The following ATRX variants were observed in gnomAD, a reference collection of about 807,000 sequenced individuals.
ATRX encodes the protein ATRX chromatin remodeler, also known as chromatin remodeler ATRX.
ATRX carries 12 observed loss-of-function variants against 172.6 expected under a neutral mutation model. The observed-to-expected ratio is 0.07, with a 90% confidence interval of 0.04 to 0.11. The LOEUF is 0.11. Among genes scored for constraint, ATRX ranks in the 10% least tolerant of loss-of-function variants. The pLI, the probability that ATRX is intolerant of heterozygous loss-of-function variation, is 1.00. For missense variants in ATRX, 1,368 were observed against 1,767.4 expected (o/e 0.77, Z 4.05); for synonymous variants, 674 against 594.7 (o/e 1.13, Z -1.94).
chrX:77,646,708 G>T (rs565710448), intron 15 of ATRX, among the ~76,000 whole-genome samples: 2 of 110,562 alleles, frequency 1.8e-5, no homozygotes, highest in Non-Finnish European at 3.8e-5. Flanking sequence ...ATCACTTGAG[G>T]CCAGGAGTTG....
chrX:77,536,941 A>G (rs1557048567), intron 30 of ATRX, among the ~76,000 whole-genome samples: 1 of 112,035 alleles, frequency 8.9e-6, no homozygotes, highest in East Asian at 2.8e-4. Context: ...GCTCTGGAAT[A>G]CTGCTCTCTA....
At chrX:77,667,784 G>A (rs2070339423) in intron 10 of ATRX, among the ~76,000 whole-genome samples, 1 of 111,817 alleles carries the variant, frequency 8.9e-6, no homozygotes, top group Non-Finnish European at 1.9e-5. Flanking sequence ...TCCACATACT[G>A]TAGAAGTACA....
intron 10 of ATRX, among the ~76,000 whole-genome samples, chrX:77,668,993 T>C (rs925363294): frequency 9.0e-6 from 1 of 111,552 alleles, no homozygotes; most frequent in Non-Finnish European, 1.9e-5. Flanking sequence ...ATTCGAAATG[T>C]TGAGTTTCTT....
intron 30 of ATRX, among the ~76,000 whole-genome samples, chrX:77,542,572 A>C (rs1161192870): frequency 8.9e-6 from 1 of 111,901 alleles, no homozygotes; most frequent in Non-Finnish European, 1.9e-5. Flanking sequence ...AAACTATACC[A>C]CAATGCTCCA....
chrX:77,692,817 A>C (rs2071966960), intron 6 of ATRX, among the ~76,000 whole-genome samples: 1 of 107,573 alleles, frequency 9.3e-6, no homozygotes, highest in African/African-American at 3.4e-5. Flanking sequence ...TCTGATGCAA[A>C]CTTTTTATAG....
intron 1 of ATRX, among the ~76,000 whole-genome samples, chrX:77,765,209 T>C (rs2075866405): frequency 8.9e-6 from 1 of 111,736 alleles, no homozygotes; most frequent in Non-Finnish European, 1.9e-5. Context: ...AAAAACTATG[T>C]CAATGACAAA....
intron 21 of ATRX, among the ~76,000 whole-genome samples, chrX:77,617,084 C>A (rs2067384020): frequency 9.0e-6 from 1 of 111,408 alleles, no homozygotes; most frequent in Non-Finnish European, 1.9e-5. Context: ...GTAGTGTGAG[C>A]AAAATGCCTT....
intron 12 of ATRX, among the ~76,000 whole-genome samples, chrX:77,660,616 A>T (rs926692265): frequency 3.6e-5 from 4 of 110,109 alleles, no homozygotes; most frequent in Admixed American, 9.7e-5. Context: ...ATAATAATAA[A>T]AAAGAAATTT....
chrX:77,645,955 T>C (rs782777365), intron 15 of ATRX, among the ~76,000 whole-genome samples: 3 of 111,197 alleles, frequency 2.7e-5, no homozygotes, highest in Non-Finnish European at 5.7e-5. Flanking sequence ...AAAGAAAATA[T>C]AGAATATACA....
chrX:77,566,384 C>G (rs2065199339), intron 28 of ATRX, among the ~76,000 whole-genome samples: 1 of 111,790 alleles, frequency 8.9e-6, no homozygotes, highest in Admixed American at 9.5e-5. Context: ...AATTGCCAAC[C>G]CAGAATTCTA....
In ATRX at chrX:77,529,755, T is replaced by C. The variant is rs1378140611; in HGVS notation, c.6700-6354A>G. 4.5e-5 allele frequency among the ~76,000 whole-genome samples: 5 copies of C among 111,893 alleles called. No individual in the cohort carries two copies. In the Admixed American group the frequency reaches 4.7e-4, roughly 11 times the overall value. On this transcript the variant is annotated intron_variant, in intron 30 of 34. Transcript: ENST00000373344. ...TATGAAGCAACCACACAAACAAGTC[T>C]GCAAAATAACCAGCTAGCATCACGA...
At chrX:77,745,769 A>G (rs1238032171) in intron 1 of ATRX, among the ~76,000 whole-genome samples, 1 of 111,830 alleles carries the variant, frequency 8.9e-6, no homozygotes, top group Non-Finnish European at 1.9e-5. Context: ...ATTAGAAACT[A>G]TTAGAGATTA....
At chrX:77,731,030 C>A (rs1603285904) in intron 1 of ATRX, among the ~76,000 whole-genome samples, 1 of 94,062 alleles carries the variant, frequency 1.1e-5, no homozygotes, top group African/African-American at 3.9e-5. Context: ...ATCAATAAAA[C>A]AAAATGTTGG....
At chrX:77,701,205 C>G (rs1454827483) in intron 2 of ATRX, among the ~76,000 whole-genome samples, 2 of 111,876 alleles carry the variant, frequency 1.8e-5, no homozygotes, top group African/African-American at 6.5e-5. Flanking sequence ...CCTAAAACAG[C>G]TCTTTAAAAA....
chrX:77,754,806 T>C (rs782509759), intron 1 of ATRX, among the ~76,000 whole-genome samples: 4 of 111,661 alleles, frequency 3.6e-5, no homozygotes, highest in African/African-American at 9.8e-5. Flanking sequence ...CTGACGATTA[T>C]GTGTCTTGGG....
chrX:77,616,509 A>G, intron 22 of ATRX, 104 bp downstream of exon 22: 1 of 1,177,854 alleles, frequency 8.5e-7, no homozygotes, highest in Non-Finnish European at 1.2e-6. Context: ...TTCAAATGCA[A>G]AACTGAAAAA....
At chrX:77,610,578 T>C (rs1330429232) in intron 22 of ATRX, among the ~76,000 whole-genome samples, 3 of 111,369 alleles carry the variant, frequency 2.7e-5, no homozygotes, top group Non-Finnish European at 5.7e-5. Flanking sequence ...AACACAATTC[T>C]ACTAATTTGA....
intron 10 of ATRX, among the ~76,000 whole-genome samples, chrX:77,668,837 G>GAA (rs782525215): frequency 2.4e-5 from 2 of 84,065 alleles, no homozygotes; most frequent in Non-Finnish European, 2.4e-5. Flanking sequence ...AGCAATCGGG[G>GAA]AAAAAAAAAA....
rs2063664525 is a variant in ATRX, at chrX:77,533,877, C to T, written c.6700-10476G>A. 2.7e-5 allele frequency among the ~76,000 whole-genome samples: 3 copies of T among 111,953 alleles called. No homozygotes were observed. In the South Asian group the frequency reaches 1.1e-3, roughly 41 times the overall value. On this transcript the variant is annotated intron_variant, in intron 30 of 34. Coordinates refer to ENST00000373344, the MANE Select transcript of ATRX (RefSeq NM_000489.6). ...ATATCATTTTACATCAAATCCAAAC[C>T]TTCATCATTTCTAATAGCTGCACAG...
Sources: gnomAD v4.1 joint callset for allele counts (sites outside exome capture counted in the v4.1 genomes callset) on GRCh38, gnomAD v4.1.1 for gene constraint, MANE v1.5 for transcripts, NCBI Gene and HGNC (gene_info 2026-07-23, HGNC 2026-07-21) for gene names.